Variants in SV2C observed in about 807,000 individuals in gnomAD.
SV2C encodes the protein solute carrier family 22 member B3.
In SV2C, 49 loss-of-function variants were observed where a neutral mutation model predicts 79.7. That is an observed-to-expected ratio of 0.61 (90% CI 0.49 to 0.78). SV2C has a LOEUF of 0.78. Among genes scored for constraint, SV2C ranks in the 30% least tolerant of loss-of-function variants. SV2C has a pLI of 0.00. For missense variants in SV2C, 833 were observed against 912.9 expected (o/e 0.91, Z 1.13); for synonymous variants, 334 against 333.2 (o/e 1.00, Z -0.03).
intron 12 of SV2C, among the ~76,000 whole-genome samples, chr5:76,352,688 C>T (rs1389624322): frequency 3.3e-5 from 5 of 152,168 alleles, no homozygotes; most frequent in Admixed American, 3.3e-4. Flanking sequence ...CAGCACAAAA[C>T]AGACTAAGAC....
At chr5:76,075,608 T>A in the SV2C span, 2 of 191,616 alleles carry the variant, frequency 1.0e-5, no homozygotes, top group Non-Finnish European at 2.4e-5. Context: ...AGAAGACATG[T>A]CCAAGCTGTC....
At chr5:76,352,374 T>G (rs246794) in intron 12 of SV2C, among the ~76,000 whole-genome samples, 72,127 of 152,066 alleles carry the variant, frequency 0.47, 17,948 homozygotes, top group African/African-American at 0.61. Flanking sequence ...AGCCCCCAGT[T>G]CAACACTGTT....
the SV2C span, among the ~76,000 whole-genome samples, chr5:76,017,563 G>T: frequency 9.9e-5 from 15 of 152,156 alleles, no homozygotes; most frequent in Admixed American, 2.6e-4. Context: ...ACAGGTGTGA[G>T]CCACTGAGCC....
chr5:76,058,323 C>A, the SV2C span, among the ~76,000 whole-genome samples: 1 of 152,102 alleles, frequency 6.6e-6, no homozygotes, highest in African/African-American at 2.4e-5. Context: ...CTTTGATCTA[C>A]CCTGGAGTGC....
chr5:76,077,788 T>C, the SV2C span, among the ~76,000 whole-genome samples: 2 of 152,194 alleles, frequency 1.3e-5, no homozygotes, highest in Non-Finnish European at 2.9e-5. Flanking sequence ...GAAACAGGGA[T>C]AGGGTCCATG....
the SV2C span, among the ~76,000 whole-genome samples, chr5:75,910,051 A>G: frequency 0.016 from 2,372 of 152,314 alleles, 57 homozygotes; most frequent in African/African-American, 0.052. Flanking sequence ...CACAGAGCAG[A>G]CACTCCATAA....
intron 3 of SV2C, 152 bp from the exon 4 acceptor site, chr5:76,209,584 T>G (rs1369786369): frequency 1.2e-6 from 1 of 805,942 alleles, no homozygotes; most frequent in Non-Finnish European, 1.8e-6. Context: ...ACTATAATTT[T>G]TACATTGTAA....
At chr5:76,313,411 G>A (rs1748522746) in intron 12 of SV2C, among the ~76,000 whole-genome samples, 1 of 152,066 alleles carries the variant, frequency 6.6e-6, no homozygotes, top group Non-Finnish European at 1.5e-5. Context: ...TTTTGTCTCT[G>A]GTAGTTAGAA....
At chr5:75,933,144 A>G in the SV2C span, among the ~76,000 whole-genome samples, 11 of 152,212 alleles carry the variant, frequency 7.2e-5, no homozygotes, top group Non-Finnish European at 1.3e-4. Flanking sequence ...TTAGTGCTTA[A>G]CTTGACTGTC....
the SV2C span, among the ~76,000 whole-genome samples, chr5:76,000,476 G>A: frequency 3.9e-5 from 6 of 152,164 alleles, no homozygotes; most frequent in Middle Eastern, 3.2e-3. Flanking sequence ...CACATCTGCT[G>A]AAACTCTGGA....
chr5:76,046,624 A>G, the SV2C span, among the ~76,000 whole-genome samples: 1 of 152,244 alleles, frequency 6.6e-6, no homozygotes, highest in Non-Finnish European at 1.5e-5. Flanking sequence ...ACAACATTCA[A>G]ATAAAATGCC....
chr5:76,053,754 T>A, the SV2C span, among the ~76,000 whole-genome samples: 3 of 152,230 alleles, frequency 2.0e-5, no homozygotes, highest in East Asian at 3.9e-4. Context: ...GTGTGTATCT[T>A]GAAGAGATTA....
At chr5:76,205,986 C>T (rs918041088) in intron 3 of SV2C, among the ~76,000 whole-genome samples, 1 of 152,168 alleles carries the variant, frequency 6.6e-6, no homozygotes, top group African/African-American at 2.4e-5. Context: ...TTAAGACCTA[C>T]TGATACATGG....
chr5:76,167,750 C>T (rs546205158), intron 2 of SV2C, among the ~76,000 whole-genome samples: 140 of 152,340 alleles, frequency 9.2e-4, no homozygotes, highest in Admixed American at 2.4e-3. Context: ...TCTGGCTCCA[C>T]TGAGTGGCTG....
the SV2C span, among the ~76,000 whole-genome samples, chr5:76,065,067 C>T: frequency 2.0e-5 from 3 of 151,988 alleles, no homozygotes; most frequent in African/African-American, 4.8e-5. Flanking sequence ...TTTTTAGCTT[C>T]GCTGGAAAAA....
At chr5:76,145,337 T>C (rs1023875894) in intron 2 of SV2C, among the ~76,000 whole-genome samples, 2 of 152,230 alleles carry the variant, frequency 1.3e-5, no homozygotes, top group African/African-American at 4.8e-5. Context: ...TAAGATTTTG[T>C]TGTTGTTCTT....
chr5:76,290,564 A>G (rs1374398320), intron 6 of SV2C, among the ~76,000 whole-genome samples: 2 of 152,202 alleles, frequency 1.3e-5, no homozygotes, highest in African/African-American at 2.4e-5. Context: ...TAGCAAAAAG[A>G]GGCTAACTGA....
the SV2C span, among the ~76,000 whole-genome samples, chr5:76,000,461 TGCC>T: frequency 6.6e-6 from 1 of 152,162 alleles, no homozygotes. Flanking sequence ...ATGCTGGGCC[TGCC>T]TCACATCTGC....
chr5:76,130,894 A>G (rs1423978163), intron 1 of SV2C, among the ~76,000 whole-genome samples: 2 of 152,134 alleles, frequency 1.3e-5, no homozygotes, highest in Admixed American at 1.3e-4. Flanking sequence ...GGGACATGGC[A>G]TGGAGCTTAC....
Sources: allele counts gnomAD v4.1 joint callset (sites outside exome capture counted in the v4.1 genomes callset), GRCh38; gene constraint gnomAD v4.1.1; transcripts MANE v1.5; gene names NCBI Gene and HGNC (gene_info 2026-07-23, HGNC 2026-07-21).